Variants in CHRM3 observed in about 807,000 individuals in gnomAD.
CHRM3 encodes the protein cholinergic receptor muscarinic 3.
Under a neutral mutation model 41.8 loss-of-function variants are expected in CHRM3, and 11 were observed. The observed-to-expected ratio is 0.26, with a 90% CI of 0.17 to 0.44. The LOEUF is 0.44. Ranked by LOEUF, CHRM3 falls within the 20% of genes least tolerant of loss-of-function variation. The pLI is 1.00. For missense variants in CHRM3, 571 were observed against 745.4 expected (o/e 0.77, Z 2.72); for synonymous variants, 297 against 301.4 (o/e 0.99, Z 0.15).
chr1:239,530,181 G>A (rs1053487839), intron 2 of CHRM3, among the ~76,000 whole-genome samples: 4 of 152,108 alleles, frequency 2.6e-5, no homozygotes, highest in Non-Finnish European at 5.9e-5. Context: ...GGGATTACAG[G>A]CGTGAGCCAC....
chr1:239,469,736 T>C (rs548819275), intron 1 of CHRM3, among the ~76,000 whole-genome samples: 2 of 152,158 alleles, frequency 1.3e-5, no homozygotes, highest in African/African-American at 4.8e-5. Flanking sequence ...TTTGTACTTT[T>C]AGTAGAGAGG....
intron 3 of CHRM3, among the ~76,000 whole-genome samples, chr1:239,567,334 C>G (rs1425579986): frequency 2.0e-5 from 3 of 150,526 alleles, no homozygotes; most frequent in Admixed American, 2.0e-4. Context: ...AATCCAAACA[C>G]TGGTAAGCTC....
chr1:239,470,962 A>C (rs1241154500), intron 1 of CHRM3, among the ~76,000 whole-genome samples: 2 of 152,124 alleles, frequency 1.3e-5, no homozygotes, highest in East Asian at 3.9e-4. Context: ...TTTTCATTAC[A>C]TTCACTTCCT....
chr1:239,764,850 G>C (rs1019945520), intron 5 of CHRM3, among the ~76,000 whole-genome samples: 5 of 152,224 alleles, frequency 3.3e-5, no homozygotes, highest in African/African-American at 1.2e-4. Flanking sequence ...ATTCAAGAGA[G>C]TACTGTTCAG....
chr1:239,545,194 T>C (rs1659174917), intron 2 of CHRM3, among the ~76,000 whole-genome samples: 1 of 152,234 alleles, frequency 6.6e-6, no homozygotes, highest in Non-Finnish European at 1.5e-5. Context: ...ACTGACTGTG[T>C]AGTATGTCCG....
At chr1:239,442,153 T>A (rs946661924) in intron 1 of CHRM3, among the ~76,000 whole-genome samples, 1 of 151,856 alleles carries the variant, frequency 6.6e-6, no homozygotes, top group Non-Finnish European at 1.5e-5. Context: ...TAGGTTTTTT[T>A]TTTTGAGATA....
At chr1:239,511,268 T>C (rs900490711) in intron 2 of CHRM3, among the ~76,000 whole-genome samples, 3 of 152,228 alleles carry the variant, frequency 2.0e-5, no homozygotes, top group African/African-American at 4.8e-5. Flanking sequence ...AAAATTAACA[T>C]GTAGAGTAAA....
At chr1:239,897,123 C>G (rs1490195266) in intron 6 of CHRM3, among the ~76,000 whole-genome samples, 1 of 152,146 alleles carries the variant, frequency 6.6e-6, no homozygotes, top group Non-Finnish European at 1.5e-5. Flanking sequence ...CTTCCTGGCC[C>G]TGCATGCTAT....
intron 6 of CHRM3, among the ~76,000 whole-genome samples, chr1:239,865,854 A>G (rs1010638791): frequency 2.0e-5 from 3 of 152,192 alleles, no homozygotes; most frequent in African/African-American, 7.2e-5. Context: ...CCTTGAATAC[A>G]GAGAGTTGGT....
At chr1:239,875,670 A>G (rs2149345396) in intron 6 of CHRM3, among the ~76,000 whole-genome samples, 1 of 152,294 alleles carries the variant, frequency 6.6e-6, no homozygotes, top group South Asian at 2.1e-4. Flanking sequence ...AGACAGTATC[A>G]TGTAGCCATG....
intron 3 of CHRM3, among the ~76,000 whole-genome samples, chr1:239,574,667 T>A (rs113850581): frequency 0.028 from 4,244 of 152,294 alleles, 88 homozygotes; most frequent in Non-Finnish European, 0.042. Flanking sequence ...ACTGGATTTA[T>A]TGTTGATTAT....
intron 1 of CHRM3, among the ~76,000 whole-genome samples, chr1:239,490,117 A>G (rs1381691285): frequency 6.6e-6 from 1 of 152,216 alleles, no homozygotes; most frequent in Admixed American, 6.5e-5. Context: ...ATTTAGTACG[A>G]GTACATAGTA....
intron 4 of CHRM3, among the ~76,000 whole-genome samples, chr1:239,657,081 T>G (rs1405878710): frequency 6.6e-6 from 1 of 152,226 alleles, no homozygotes; most frequent in Admixed American, 6.5e-5. Context: ...TCTTAGAATT[T>G]AAATAGGGTT....
chr1:239,561,687 TA>T (rs1376766041), intron 3 of CHRM3, among the ~76,000 whole-genome samples: 1 of 151,974 alleles, frequency 6.6e-6, no homozygotes, highest in Non-Finnish European at 1.5e-5. Flanking sequence ...CATCTATTAA[TA>T]GATAATATTA....
At chr1:239,769,504 T>G (rs1407099779) in intron 5 of CHRM3, among the ~76,000 whole-genome samples, 5 of 152,236 alleles carry the variant, frequency 3.3e-5, no homozygotes, top group African/African-American at 1.2e-4. Context: ...AGCACTGTGT[T>G]CCCAAAAGAG....
chr1:239,580,297 CA>C (rs1662752933), intron 3 of CHRM3, among the ~76,000 whole-genome samples: 3 of 143,800 alleles, frequency 2.1e-5, no homozygotes, highest in Non-Finnish European at 4.6e-5. Context: ...CACACACACA[CA>C]CACACACACA....
At chr1:239,724,723 C>T (rs958815016) in intron 5 of CHRM3, among the ~76,000 whole-genome samples, 108 of 151,854 alleles carry the variant, frequency 7.1e-4, no homozygotes, top group East Asian at 1.9e-4. Context: ...TCTTCCTCCC[C>T]GTGATCCATT....
intron 5 of CHRM3, among the ~76,000 whole-genome samples, chr1:239,825,108 A>G (rs573230405): frequency 6.6e-6 from 1 of 152,372 alleles, no homozygotes; most frequent in African/African-American, 2.4e-5. Flanking sequence ...CTTATGGGAC[A>G]TACAGTCCAG....
At chr1:239,696,863 C>A (rs1660243105) in intron 5 of CHRM3, among the ~76,000 whole-genome samples, 1 of 152,142 alleles carries the variant, frequency 6.6e-6, no homozygotes, top group African/African-American at 2.4e-5. Flanking sequence ...AAATAAAATC[C>A]TTTTCGTTCC....
Sources: allele counts gnomAD v4.1 joint callset (sites outside exome capture counted in the v4.1 genomes callset), GRCh38; gene constraint gnomAD v4.1.1; transcripts MANE v1.5; gene names NCBI Gene and HGNC (gene_info 2026-07-23, HGNC 2026-07-21).